The following INTS11 variants were observed in gnomAD, a reference collection of about 807,000 sequenced individuals.
INTS11 encodes the protein CPSF3-like protein.
INTS11 carries 77 observed loss-of-function variants against 78.6 expected under a neutral mutation model. The ratio of observed to expected loss-of-function variants is 0.98; its 90% CI spans 0.81 to 1.18. The LOEUF is 1.18. Ranked by LOEUF, INTS11 falls within the 50% of genes most tolerant of loss-of-function variation. The pLI, the probability that INTS11 is intolerant of heterozygous loss-of-function variation, is 0.00. For missense variants in INTS11, 875 were observed against 825.9 expected (o/e 1.06, Z -0.73); for synonymous variants, 441 against 326.9 (o/e 1.35, Z -3.77).
chr1:1,321,392 C>T (rs1642939580), intron 1 of INTS11, among the ~76,000 whole-genome samples: 1 of 151,958 alleles, frequency 6.6e-6, no homozygotes, highest in South Asian at 2.1e-4. Flanking sequence ...TGTGCTGTGG[C>T]CCTCAGCCTC....
rs1302731731 is a variant in INTS11 at position 1,314,385 on chromosome 1, G to A, written c.703-20C>T. ...CAGCACCTGAGGGGGACACAAGGCA[G>A]GAGCCCTGGGCACATGGCCCCTCGA... On this transcript the variant is annotated intron_variant, in intron 7 of 16. Coordinates refer to ENST00000435064, the MANE Select transcript of INTS11 (RefSeq NM_017871.6). The surrounding 1 kb of genome is among the most constrained non-coding windows in gnomAD (Gnocchi z 4.2). The A allele has an allele frequency of 1.3e-6, 2 of 1,597,790 alleles. No individual in the cohort carries two copies. The highest frequency in any genetic ancestry group is 3.4e-5 in the Admixed American group (2 of 58,208).
At chr1:1,315,233 G>T in intron 6 of INTS11, 171 bp downstream of exon 6, 1 of 829,098 alleles carries the variant, frequency 1.2e-6, no homozygotes, top group Non-Finnish European at 1.9e-6. Context: ...GCCCCTGCCT[G>T]GACCCTGTGC....
chr1:1,323,869 G>A (rs1054931073), intron 1 of INTS11, among the ~76,000 whole-genome samples: 3 of 57,904 alleles, frequency 5.2e-5, no homozygotes, highest in African/African-American at 7.8e-5. Flanking sequence ...GCAGAAGCGG[G>A]GCTGGGGGGC....
chr1:1,312,213 G>GGCCCCCCCCCCCCCCCCCCCC lies in INTS11; in HGVS notation c.1607+12_1607+13insGGGGGGGGGGGGGGGGGGGGC. On this transcript the variant is annotated intron_variant, in intron 15 of 16. Coordinates refer to ENST00000435064, the MANE Select transcript of INTS11 (RefSeq NM_017871.6). ...CCCAAGGGAGTGGGGGGGGGGCGGG[G>GGCCCCCCCCCCCCCCCCCCCC]CCGGGCGCCCACCTCTTGAGGTGGC... 2 of 934,566 alleles carry GGCCCCCCCCCCCCCCCCCCCC rather than the reference G, an allele frequency of 2.1e-6. No homozygotes were observed. The highest frequency in any genetic ancestry group is 3.1e-6 in the Non-Finnish European group (2 of 636,620). The allele number at this position is 934,566 out of a possible 1,614,324, so 57.9% of individuals were successfully genotyped here.
Position 1,323,166 on chromosome 1 carries a change from C to T in INTS11, c.28+1415G>A, listed in dbSNP as rs1336380099. The T allele has an allele frequency of 6.5e-6, 10 of 1,549,990 alleles. No individual in the cohort carries two copies. The East Asian group carries it at 7.3e-5, about 11-fold the overall frequency. On this transcript the variant is annotated intron_variant, in intron 1 of 16. Coordinates refer to ENST00000435064, the MANE Select transcript of INTS11 (RefSeq NM_017871.6). ...CCACACCGGGGCGGGGGGCACCCTC[C>T]GAGGAAGCGCTCACGCCATGGGGGA...
chr1:1,315,283 G>C, intron 6 of INTS11, 121 bp downstream of exon 6: 1 of 1,250,182 alleles, frequency 8.0e-7, no homozygotes, highest in South Asian at 1.2e-5. Context: ...GGCTCTCCAG[G>C]CCGCACAGGA....
At position 1,319,512 on chromosome 1, in the gene INTS11, C is replaced by T. The variant is rs1642821090; in HGVS notation, c.213G>A (p.Leu71=). Residue 71 remains leucine (L), a synonymous_variant, in exon 4 of 17, where the codon CTG becomes CTA. Coordinates refer to ENST00000435064, the MANE Select transcript of INTS11 (RefSeq NM_017871.6). ...AGTAGGGGAGTGCCCCGCAGTGGTCCAGGTGGAAGTGGCTAGGGGGACGCA... is the reference window on the plus strand; with the variant it reads ...AGTAGGGGAGTGCCCCGCAGTGGTCTAGGTGGAAGTGGCTAGGGGGACGCA... ...LDCVIISHFH[L]DHCGALPYFS... The T allele has an allele frequency of 1.1e-5, 18 of 1,580,948 alleles. No homozygotes were observed. Among genetic ancestry groups the T allele is most frequent in the Non-Finnish European group, 1.5e-5 (17 of 1,161,814 alleles).
chr1:1,315,254 T>C (rs747962268), intron 6 of INTS11, 150 bp downstream of exon 6: 16 of 961,246 alleles, frequency 1.7e-5, no homozygotes, highest in Non-Finnish European at 2.1e-5. Flanking sequence ...CTTCGCGCAT[T>C]TGGGCCCAGA....
chr1:1,322,930 AT>A (rs1643047578), intron 1 of INTS11: 2 of 1,347,184 alleles, frequency 1.5e-6, no homozygotes, highest in African/African-American at 2.9e-5. Flanking sequence ...CCAGGTACAG[AT>A]TGCGGGTAAT....
At chr1:1,311,955 TGCA>T in intron 16 of INTS11, 31 bp from the exon 17 acceptor site, 1 of 1,593,152 alleles carries the variant, frequency 6.3e-7, no homozygotes, top group Non-Finnish European at 8.6e-7. Context: ...TTGTGGGTGG[TGCA>T]GGACAGGGAG....
intron 16 of INTS11, 23 bp from the exon 17 acceptor site, chr1:1,311,947 G>A: frequency 1.9e-6 from 3 of 1,586,062 alleles, no homozygotes; most frequent in Non-Finnish European, 2.6e-6. Flanking sequence ...CAAAAGCATT[G>A]TGGGTGGTGC....
intron 3 of INTS11, chr1:1,320,252 G>T (rs552357173): frequency 1.4e-4 from 81 of 582,284 alleles, no homozygotes; most frequent in African/African-American, 1.4e-3. Context: ...GTAGGGTTCA[G>T]AGGGCAGGGC....
rs1444732964 is a variant in INTS11, at chr1:1,312,843, A to G, written c.1238T>C (p.Val413Ala). Reference sequence around the variant, plus strand: ...CTCCATCTTCTTGGCCTCGCCATGCACCAGCAGCACGCTCTCCGGCTCTGC... The same window carrying G: ...CTCCATCTTCTTGGCCTCGCCATGCGCCAGCAGCACGCTCTCCGGCTCTGC... ...GQAEPESVLLVHGEAKKMEFL... is the reference protein window; with the variant it reads ...GQAEPESVLLAHGEAKKMEFL... The change falls in exon 12 of 17, where the codon GTG (valine) becomes GCG (alanine). Residue 413 changes from valine (V) to alanine (A), a missense_variant. Val to Ala is a moderately conservative substitution (Grantham distance 64). Transcript: ENST00000435064. 5 of 1,611,868 alleles carry G rather than the reference A, an allele frequency of 3.1e-6. No homozygotes were observed. The highest frequency in any genetic ancestry group is 3.4e-6 in the Non-Finnish European group (4 of 1,179,798).
Position 1,314,455 on chromosome 1 carries a change from G to GGACACAAGGCAGGAGCC in INTS11, c.703-91_703-90insGGCTCCTGCCTTGTGTC. On this transcript the variant is annotated intron_variant, in intron 7 of 16. Coordinates refer to ENST00000435064, the MANE Select transcript of INTS11 (RefSeq NM_017871.6). This position sits in a 1 kb window ranked among gnomAD's most constrained non-coding sequence, Gnocchi z 4.2. ...TGAGGGCACGGCCAGGTGCCCAAGA[G>GGACACAAGGCAGGAGCC]CTGCGGCCTCATAGGGACCTTAGCC... 1 of 1,197,108 alleles carries GGACACAAGGCAGGAGCC rather than the reference G, an allele frequency of 8.4e-7. No homozygotes were observed. The highest frequency in any genetic ancestry group is 1.2e-6 in the Non-Finnish European group (1 of 849,246). The allele number at this position is 1,197,108 out of a possible 1,614,324, so 74.2% of individuals were successfully genotyped here. A position where few individuals can be genotyped will look rare whatever the true frequency, so the allele number is the denominator to read the frequency against.
intron 1 of INTS11, among the ~76,000 whole-genome samples, chr1:1,323,648 C>A (rs1429234585): frequency 3.3e-5 from 5 of 151,210 alleles, no homozygotes; most frequent in Non-Finnish European, 5.9e-5. Context: ...TGGGCTCAAG[C>A]GATCCTCCCA....
intron 4 of INTS11, chr1:1,318,800 A>G (rs1642768588): frequency 1.7e-6 from 1 of 589,584 alleles, no homozygotes; most frequent in Non-Finnish European, 3.1e-6. Flanking sequence ...CGAGTGAGAC[A>G]CAGACAAACC....
At position 1,313,625 on chromosome 1, in the gene INTS11, G is replaced by C. The variant is rs747897328; in HGVS notation, c.958-33C>G. The C allele has an allele frequency of 3.1e-6, 5 of 1,612,192 alleles. No homozygotes were observed. The African/African-American group carries it at 4.0e-5, about 13-fold the overall frequency. On this transcript the variant is annotated intron_variant, in intron 9 of 16. Coordinates refer to ENST00000435064, the MANE Select transcript of INTS11 (RefSeq NM_017871.6). ...ACACACAGGGCCAGGTGGGGGGTCA[G>C]GGCAGCAGATGCCCCCACCCCCACT...
chr1:1,316,007 C>T, intron 4 of INTS11: 1 of 275,932 alleles, frequency 3.6e-6, no homozygotes, highest in South Asian at 3.9e-5. Context: ...ACTTTGAATA[C>T]ATGACAGAGA....
chr1:1,317,517 A>T (rs1642690924), intron 4 of INTS11: 13 of 909,876 alleles, frequency 1.4e-5, no homozygotes, highest in Non-Finnish European at 1.7e-5. Context: ...AACAGGAAAG[A>T]CAAACAGATG....
Sources: gnomAD v4.1 joint callset for allele counts (sites outside exome capture counted in the v4.1 genomes callset) on GRCh38, gnomAD v4.1.1 for gene constraint, Gnocchi (gnomAD v3.1) non-coding constraint, MANE v1.5 for transcripts, NCBI Gene and HGNC (gene_info 2026-07-23, HGNC 2026-07-21) for gene names.